Variants in NOM1 observed in about 807,000 individuals in gnomAD.
NOM1 encodes nucleolar protein with MIF4G domain 1.
Under a neutral mutation model 73.3 loss-of-function variants are expected in NOM1, and 58 were observed. That is an observed-to-expected ratio of 0.79 (90% CI 0.64 to 0.99). NOM1 has a LOEUF of 0.99. Among genes scored for constraint, NOM1 ranks in the 50% least tolerant of loss-of-function variants. The pLI is 0.00. For missense variants in NOM1, 1,226 were observed against 1,131.9 expected, an observed-to-expected ratio of 1.08 and a Z score of -1.19; for synonymous variants, 487 against 446.8, an observed-to-expected ratio of 1.09 and a Z score of -1.14.
At position 156,950,374 on chromosome 7, in the gene NOM1, C is replaced by T. The variant is rs762672669; in HGVS notation, c.637C>T (p.Arg213Cys). ...CAGCTCCGTGCCGCTGAGCTTTGCA[C>T]GCGACGGTCTTGACTATATTCTGGG... ...GSSSVPLSFA[R>C]DGLDYILGAL... The change falls in exon 1 of 11, where the codon CGC becomes TGC. Residue 213 changes from arginine to cysteine, a missense_variant. Coordinates refer to ENST00000275820, the MANE Select transcript of NOM1 (RefSeq NM_138400.2). The T allele has an allele frequency of 1.2e-6, 2 of 1,614,198 alleles. No individual in the cohort carries two copies. The highest frequency in any genetic ancestry group is 2.2e-5 in the East Asian group (1 of 44,888).
intron 8 of NOM1, among the ~76,000 whole-genome samples, chr7:156,966,750 G>A (rs924740588): frequency 6.9e-6 from 1 of 144,290 alleles, no homozygotes; most frequent in Non-Finnish European, 1.5e-5. Flanking sequence ...CTGCTGATTT[G>A]GGGGGAAGAA....
chr7:156,952,553 A>T lies in NOM1; in HGVS notation c.1067A>T (p.Glu356Val). 6.2e-7 allele frequency: 1 copy of T among 1,614,130 alleles called. No individual in the cohort carries two copies. Among genetic ancestry groups the T allele is most frequent in the East Asian group, 2.2e-5 (1 of 44,880 alleles). Residue 356 changes from glutamate to valine, a missense_variant, in exon 2 of 11, where the codon GAA becomes GTA. By Grantham distance (121) the Glu-to-Val change is moderately radical. Coordinates refer to ENST00000275820, the MANE Select transcript of NOM1 (RefSeq NM_138400.2). ...GAGACAGTGGACTTCAAGAAAAAGG[A>T]AGAACTAGAAAGGCTGAAGAAACAT... is the stretch of plus-strand genomic sequence containing the variant. ...AEETVDFKKK[E>V]ELERLKKHVK...
Position 156,969,823 on chromosome 7 carries a change from T to A in NOM1, c.*120T>A. ...AGAGCTATATCATTGTCTGTTAATG[T>A]ATTATATTTTGAGATTTTTTTTGAT... On this transcript the variant is annotated 3_prime_UTR_variant, in exon 11 of 11. Coordinates refer to ENST00000275820, the MANE Select transcript of NOM1 (RefSeq NM_138400.2). 1 of 954,628 alleles carries A rather than the reference T, an allele frequency of 1.0e-6. No individual in the cohort carries two copies. The highest frequency in any genetic ancestry group is 3.4e-5 in the Admixed American group (1 of 29,146). 59.1% of individuals were successfully genotyped at this position (954,628 alleles called of 1,614,324 possible). A position where few individuals can be genotyped will look rare whatever the true frequency, so the allele number is the denominator to read the frequency against.
chr7:156,966,528 C>G, intron 8 of NOM1, 126 bp downstream of exon 8: 4 of 1,137,178 alleles, frequency 3.5e-6, no homozygotes, highest in Non-Finnish European at 5.1e-6. Flanking sequence ...GTCACCTGGT[C>G]CACGCTGGCT....
At chr7:156,963,361 TG>T in intron 6 of NOM1, 186 bp downstream of exon 6, 1 of 660,336 alleles carries the variant, frequency 1.5e-6, no homozygotes. Flanking sequence ...CCATTTCTGT[TG>T]TATCTTTTTA....
intron 1 of NOM1, among the ~76,000 whole-genome samples, chr7:156,951,868 G>C (rs145589234): frequency 6.6e-6 from 1 of 151,892 alleles, no homozygotes; most frequent in Non-Finnish European, 1.5e-5. Context: ...CACCATGCCC[G>C]GCTAATTTTT....
Position 156,950,215 on chromosome 7 carries a change from A to C in NOM1, c.478A>C (p.Thr160Pro). 1 of 1,611,466 alleles carries C rather than the reference A, an allele frequency of 6.2e-7. No homozygotes were observed. Among genetic ancestry groups the C allele is most frequent in the Non-Finnish European group, 8.5e-7 (1 of 1,179,620 alleles). The change falls in exon 1 of 11, where the codon ACC becomes CCC. Residue 160 changes from threonine (T) to proline (P), a missense_variant. Coordinates refer to ENST00000275820, the MANE Select transcript of NOM1 (RefSeq NM_138400.2). Reference protein sequence around the residue: ...KAKATAATAKTRPSAAATAAA... With the variant: ...KAKATAATAKPRPSAAATAAA... The stretch of plus-strand genomic sequence containing the variant: ...CAAGGCCACGGCCGCCACCGCAAAG[A>C]CCAGACCCTCCGCAGCCGCCACCGC...
intron 2 of NOM1, 125 bp from the exon 3 acceptor site, chr7:156,953,978 G>T (rs920085589): frequency 2.8e-6 from 2 of 711,908 alleles, no homozygotes; most frequent in Non-Finnish European, 4.6e-6. Flanking sequence ...AATAGTTAAG[G>T]GGTCAAAAGT....
intron 6 of NOM1, chr7:156,963,475 T>G (rs1804919057): frequency 8.3e-6 from 4 of 482,414 alleles, no homozygotes; most frequent in South Asian, 6.5e-5. Flanking sequence ...CCCCTCAGGC[T>G]GCCCCCCGGG....
Position 156,969,826 on chromosome 7 carries a change from T to G in NOM1, c.*123T>G, listed in dbSNP as rs1805099478. 1 of 939,102 alleles carries G rather than the reference T, an allele frequency of 1.1e-6. No homozygotes were observed. Among genetic ancestry groups the G allele is most frequent in the Non-Finnish European group, 1.5e-6 (1 of 676,374 alleles). The allele number at this position is 939,102 out of a possible 1,614,324, so 58.2% of individuals were successfully genotyped here. On this transcript the variant is annotated 3_prime_UTR_variant, in exon 11 of 11. Coordinates refer to ENST00000275820, the MANE Select transcript of NOM1 (RefSeq NM_138400.2). ...GCTATATCATTGTCTGTTAATGTAT[T>G]ATATTTTGAGATTTTTTTTGATCTA...
chr7:156,953,976 A>G, intron 2 of NOM1, 127 bp from the exon 3 acceptor site: 1 of 703,812 alleles, frequency 1.4e-6, no homozygotes. Context: ...AGAATAGTTA[A>G]GGGGTCAAAA....
chr7:156,963,857 G>A (rs768764226), intron 6 of NOM1, 48 bp from the exon 7 acceptor site: 73 of 1,585,916 alleles, frequency 4.6e-5, no homozygotes, highest in Non-Finnish European at 6.2e-5. Context: ...TCGGGAGGCA[G>A]TTTGCATGGA....
intron 3 of NOM1, among the ~76,000 whole-genome samples, chr7:156,956,014 C>A (rs1268620784): frequency 1.3e-5 from 2 of 151,958 alleles, no homozygotes; most frequent in Non-Finnish European, 2.9e-5. Context: ...AAAGGTGAAA[C>A]CCCGTCTCTA....
chr7:156,951,433 T>C (rs11764461), intron 1 of NOM1, among the ~76,000 whole-genome samples: 29,209 of 152,046 alleles, frequency 0.19, 2,995 homozygotes, highest in East Asian at 0.29. Flanking sequence ...ATCAAGGCAT[T>C]CATGGGCTGT....
rs1383184733 is a variant in NOM1, at chr7:156,954,278, C to T, written c.1288C>T (p.His430Tyr). 1 of 1,599,006 alleles carries T rather than the reference C, an allele frequency of 6.3e-7. No homozygotes were observed. The highest frequency in any genetic ancestry group is 2.2e-5 in the East Asian group (1 of 44,626). The change falls in exon 3 of 11, where the codon CAC becomes TAC. Residue 430 changes from histidine (H) to tyrosine (Y), a missense_variant. His to Tyr is a moderately conservative substitution (Grantham distance 83). Transcript: ENST00000275820. ...GCATGTTCTCTTAGTCAGCATCCTT[C>T]ACCACACAGTTGGAATCGAGGTACA... ...MEHVLLVSIL[H>Y]HTVGIEVGAH...
intron 3 of NOM1, among the ~76,000 whole-genome samples, chr7:156,954,517 C>A (rs1307560220): frequency 1.7e-5 from 2 of 115,968 alleles, no homozygotes; most frequent in Admixed American, 1.0e-4. Flanking sequence ...TTTGTTCTGT[C>A]CATTCTTTTT....
At position 156,972,326 on chromosome 7, in the gene NOM1, C is replaced by A. The variant is rs1244597271; in HGVS notation, c.*2623C>A. On this transcript the variant is annotated 3_prime_UTR_variant, in exon 11 of 11. Coordinates refer to ENST00000275820, the MANE Select transcript of NOM1 (RefSeq NM_138400.2). ...TCACGACAGTGGCACCACCTGATTT[C>A]ATGATGTACCATATGCAGTAACCCA... 1.3e-5 allele frequency: 2 copies of A among 152,198 alleles called. No individual in the cohort carries two copies. The highest frequency in any genetic ancestry group is 6.5e-5 in the Admixed American group (1 of 15,276). 9.4% of individuals were successfully genotyped at this position (152,198 alleles called of 1,614,324 possible).
intron 9 of NOM1, among the ~76,000 whole-genome samples, chr7:156,968,325 C>T (rs1175369702): frequency 6.6e-6 from 1 of 152,098 alleles, no homozygotes; most frequent in East Asian, 1.9e-4. Flanking sequence ...TTTAGAGATG[C>T]CCCCCGCCCT....
At chr7:156,964,567 AC>A (rs918218183) in intron 7 of NOM1, among the ~76,000 whole-genome samples, 6 of 151,332 alleles carry the variant, frequency 4.0e-5, no homozygotes, top group Non-Finnish European at 7.4e-5. Flanking sequence ...ACATACTGAG[AC>A]CCCCATCTCA....
Sources: allele counts gnomAD v4.1 joint callset (sites outside exome capture counted in the v4.1 genomes callset), GRCh38; gene constraint gnomAD v4.1.1; transcripts MANE v1.5; gene names NCBI Gene and HGNC (gene_info 2026-07-23, HGNC 2026-07-21).